Variants in SGCZ observed in about 807,000 individuals in gnomAD.
The protein encoded by SGCZ is sarcoglycan zeta.
A neutral mutation model predicts 41.3 loss-of-function variants in SGCZ; 40 were observed. That is an observed-to-expected ratio of 0.97 (90% CI 0.75 to 1.26). The LOEUF is 1.26. Ranked by LOEUF, SGCZ falls within the 50% of genes most tolerant of loss-of-function variation. SGCZ has a pLI of 0.00. For missense variants in SGCZ, 552 were observed against 369.8 expected (o/e 1.49, Z -4.04); for synonymous variants, 206 against 137.5 (o/e 1.50, Z -3.49).
chr8:15,125,807 C>T (rs958716535), intron 1 of SGCZ, among the ~76,000 whole-genome samples: 8 of 152,074 alleles, frequency 5.3e-5, no homozygotes, highest in Admixed American at 3.3e-4. Context: ...CTTCCATAAA[C>T]TTTTACAAGT....
At chr8:14,339,291 A>G (rs990573222) in intron 2 of SGCZ, among the ~76,000 whole-genome samples, 2 of 152,228 alleles carry the variant, frequency 1.3e-5, no homozygotes, top group Non-Finnish European at 2.9e-5. Flanking sequence ...CACCTGCCTA[A>G]AAGCCAGAGA....
intron 1 of SGCZ, among the ~76,000 whole-genome samples, chr8:14,995,909 T>C (rs943653401): frequency 2.0e-5 from 3 of 152,144 alleles, no homozygotes; most frequent in Non-Finnish European, 4.4e-5. Flanking sequence ...ACCATTTTCT[T>C]TGCTTTTTTT....
intron 1 of SGCZ, among the ~76,000 whole-genome samples, chr8:14,751,946 C>CAAAAAAA (rs1431493848): frequency 1.7e-5 from 2 of 121,064 alleles, no homozygotes; most frequent in African/African-American, 6.3e-5. Flanking sequence ...AAAACAAAAA[C>CAAAAAAA]AAACAAAAAA....
chr8:14,897,030 C>A (rs1194459677), intron 1 of SGCZ, among the ~76,000 whole-genome samples: 1 of 152,112 alleles, frequency 6.6e-6, no homozygotes, highest in Non-Finnish European at 1.5e-5. Context: ...GATTCACCTG[C>A]CTCAGCCTCC....
In SGCZ at chr8:14,673,867, T is replaced by C. The variant is rs148944149; in HGVS notation, c.40-118941A>G. On this transcript the variant is annotated intron_variant, in intron 1 of 7. Transcript: ENST00000382080. ...AAACTAAAAGTAAACACAAAGTTTA[T>C]AAAAATGTATGATCTGTGATATACA... Among the ~76,000 whole-genome samples the C allele has an allele frequency of 3.1e-4, 47 of 152,320 alleles. No homozygotes were observed. The East Asian group carries it at 8.3e-3, about 27-fold the overall frequency.
At chr8:14,457,513 C>G (rs796098314) in intron 2 of SGCZ, among the ~76,000 whole-genome samples, 6 of 152,310 alleles carry the variant, frequency 3.9e-5, no homozygotes, top group African/African-American at 9.6e-5. Flanking sequence ...ATCAGTCAGG[C>G]TTGCCTGCAG....
At chr8:14,643,737 G>T (rs1028657657) in intron 1 of SGCZ, among the ~76,000 whole-genome samples, 6 of 151,596 alleles carry the variant, frequency 4.0e-5, no homozygotes, top group African/African-American at 1.5e-4. Flanking sequence ...GATAAACCAG[G>T]CCTGTCTTGC....
At chr8:15,169,018 G>C (rs530690318) in intron 1 of SGCZ, among the ~76,000 whole-genome samples, 2 of 152,222 alleles carry the variant, frequency 1.3e-5, no homozygotes, top group African/African-American at 4.8e-5. Context: ...GCCTTGTTTT[G>C]TTTTGATACA....
intron 2 of SGCZ, among the ~76,000 whole-genome samples, chr8:14,451,622 G>A (rs965339859): frequency 9.2e-5 from 14 of 152,104 alleles, no homozygotes; most frequent in African/African-American, 2.9e-4. Flanking sequence ...CAAAATATAC[G>A]ACAAACTCTT....
chr8:14,296,602 T>C (rs1801020431), intron 3 of SGCZ, among the ~76,000 whole-genome samples: 1 of 152,154 alleles, frequency 6.6e-6, no homozygotes, highest in Admixed American at 6.5e-5. Flanking sequence ...AACTATACTA[T>C]TGGAAGGTTC....
intron 2 of SGCZ, among the ~76,000 whole-genome samples, chr8:14,516,313 A>G (rs1802619078): frequency 6.6e-6 from 1 of 151,734 alleles, no homozygotes; most frequent in Non-Finnish European, 1.5e-5. Flanking sequence ...CTCCACCCTC[A>G]AGGAGGACCT....
intron 1 of SGCZ, among the ~76,000 whole-genome samples, chr8:14,916,744 T>C (rs1284773089): frequency 1.3e-5 from 2 of 152,312 alleles, no homozygotes; most frequent in Non-Finnish European, 2.9e-5. Flanking sequence ...AAAACTGTTA[T>C]TGTGTAACTA....
At chr8:14,456,265 G>A (rs146664267) in intron 2 of SGCZ, among the ~76,000 whole-genome samples, 6,220 of 152,102 alleles carry the variant, frequency 0.041, 398 homozygotes, top group African/African-American at 0.14. Context: ...AAAATTAGCC[G>A]GGTGTGGTGG....
At chr8:14,322,307 TG>T (rs1262638283) in intron 3 of SGCZ, among the ~76,000 whole-genome samples, 2 of 152,022 alleles carry the variant, frequency 1.3e-5, no homozygotes, top group Non-Finnish European at 2.9e-5. Flanking sequence ...GCATCAGGGC[TG>T]GGATATGAAG....
intron 2 of SGCZ, among the ~76,000 whole-genome samples, chr8:14,356,032 G>C (rs1803282702): frequency 6.6e-6 from 1 of 152,120 alleles, no homozygotes; most frequent in African/African-American, 2.4e-5. Context: ...GTAATATGCA[G>C]TTTCATATTC....
intron 1 of SGCZ, among the ~76,000 whole-genome samples, chr8:15,233,281 C>T (rs1310520611): frequency 6.9e-6 from 1 of 145,772 alleles, no homozygotes; most frequent in Non-Finnish European, 1.5e-5. Context: ...TCCTACACTG[C>T]AGCAAGCTTG....
intron 1 of SGCZ, among the ~76,000 whole-genome samples, chr8:14,784,160 C>G (rs1800679108): frequency 6.6e-6 from 1 of 151,264 alleles, no homozygotes; most frequent in Admixed American, 6.6e-5. Context: ...AATATATCCT[C>G]TTCTCTCAGC....
At chr8:14,675,598 G>C (rs923216816) in intron 1 of SGCZ, among the ~76,000 whole-genome samples, 4 of 152,040 alleles carry the variant, frequency 2.6e-5, no homozygotes, top group African/African-American at 9.7e-5. Flanking sequence ...TATACACTGA[G>C]CTCCTACTGT....
chr8:14,809,429 C>T (rs1801672389), intron 1 of SGCZ, among the ~76,000 whole-genome samples: 1 of 151,834 alleles, frequency 6.6e-6, no homozygotes, highest in African/African-American at 2.4e-5. Context: ...TGGTCTTTGC[C>T]TTGTGTTAAA....
Sources: allele counts gnomAD v4.1 joint callset (sites outside exome capture counted in the v4.1 genomes callset), GRCh38; gene constraint gnomAD v4.1.1; transcripts MANE v1.5; gene names NCBI Gene and HGNC (gene_info 2026-07-23, HGNC 2026-07-21).